Variants in CACNA2D1 observed in about 807,000 individuals in gnomAD.
The protein encoded by CACNA2D1 is voltage-dependent calcium channel subunit alpha-2/delta-1.
CACNA2D1 carries 53 observed loss-of-function variants against 171.5 expected under a neutral mutation model. The ratio of observed to expected loss-of-function variants is 0.31; its 90% CI spans 0.25 to 0.39. The LOEUF (loss-of-function observed/expected upper bound fraction) is 0.39, where lower values mean the gene tolerates loss of function less well. Ranked by LOEUF, CACNA2D1 falls within the 10% of genes least tolerant of loss-of-function variation. CACNA2D1 has a pLI of 1.00. For missense variants in CACNA2D1, 903 were observed against 1,299.8 expected (o/e 0.69, Z 4.69); for synonymous variants, 442 against 443.1 (o/e 1.00, Z 0.03).
At chr7:82,311,753 T>C (rs553070256) in intron 3 of CACNA2D1, among the ~76,000 whole-genome samples, 102 of 152,314 alleles carry the variant, frequency 6.7e-4, no homozygotes, top group African/African-American at 2.3e-3. Context: ...CTGGTTATTT[T>C]ACCCAGGCTT....
At chr7:81,962,075 T>A (rs1169672572) in intron 35 of CACNA2D1, 52 bp from the exon 36 acceptor site, 1 of 1,578,104 alleles carries the variant, frequency 6.3e-7, no homozygotes. Flanking sequence ...AGGAGGGGTC[T>A]CTGTAGTCAC....
At position 81,964,453 on chromosome 7, in the gene CACNA2D1, A is replaced by G. The variant is rs17240359; in HGVS notation, c.2575-94T>C. ...CCACTACAGTGAAAAGAAATAATAC[A>G]AAGAAACTGAACTACAACTGAGGAG... is the stretch of plus-strand genomic sequence containing the variant. On this transcript the variant is annotated intron_variant, in intron 32 of 38. Transcript: ENST00000356860. 0.066 allele frequency: 64,209 copies of G among 965,922 alleles called. 2,493 individuals carry two copies. Among genetic ancestry groups the G allele is most frequent in the Admixed American group, 0.092 (4,213 of 45,790 alleles). The allele number at this position is 965,922 out of a possible 1,614,324, so 59.8% of individuals were successfully genotyped here.
chr7:82,360,379 C>T lies in CACNA2D1; in HGVS notation c.96-10730G>A, dbSNP rs182057311. ...TCCTTAAGACATCTCAGTGGAAATA[C>T]ATGCATATTAATAATTACCTAAATG... is the stretch of plus-strand genomic sequence containing the variant. On this transcript the variant is annotated intron_variant, in intron 1 of 38. Coordinates refer to ENST00000356860, the MANE Select transcript of CACNA2D1 (RefSeq NM_000722.4). Among the ~76,000 whole-genome samples the T allele has an allele frequency of 1.4e-3, 207 of 152,286 alleles. 2 individuals are homozygous for T. The highest frequency in any genetic ancestry group is 3.7e-3 in the East Asian group (19 of 5,172).
Position 81,961,990 on chromosome 7 carries a change from A to G in CACNA2D1, c.2870T>C (p.Leu957Pro), listed in dbSNP as rs1562782689. 1 of 1,612,510 alleles carries G rather than the reference A, an allele frequency of 6.2e-7. No homozygotes were observed. Among genetic ancestry groups the G allele is most frequent in the Non-Finnish European group, 8.5e-7 (1 of 1,179,060 alleles). Residue 957 changes from leucine to proline, a missense_variant, in exon 36 of 39, where the codon CTG becomes CCG. Leu to Pro is a moderately conservative substitution (Grantham distance 98, BLOSUM62 -3). Coordinates refer to ENST00000356860, the MANE Select transcript of CACNA2D1 (RefSeq NM_000722.4). ...EMEDDDFTAS[L>P]SKQSCITEQT... ...TTCAGTAATGCAGCTCTGCTTGGAC[A>G]GGGAGGCCGTGAAGTCATCATCCTC...
At chr7:82,227,894 T>C (rs948481688) in intron 3 of CACNA2D1, among the ~76,000 whole-genome samples, 2 of 152,162 alleles carry the variant, frequency 1.3e-5, no homozygotes, top group Admixed American at 6.5e-5. Context: ...TAGGTCAGAT[T>C]GTTTGCCTCT....
At chr7:82,044,468 TA>T (rs1804315604) in intron 10 of CACNA2D1, among the ~76,000 whole-genome samples, 1 of 152,152 alleles carries the variant, frequency 6.6e-6, no homozygotes, top group Non-Finnish European at 1.5e-5. Flanking sequence ...TCAGCAAAAA[TA>T]ATAATTCAAA....
chr7:82,021,583 A>G (rs1209874620), intron 12 of CACNA2D1, among the ~76,000 whole-genome samples: 1 of 152,084 alleles, frequency 6.6e-6, no homozygotes, highest in Non-Finnish European at 1.5e-5. Flanking sequence ...ATGAGCACCT[A>G]CCATGCATCA....
intron 4 of CACNA2D1, among the ~76,000 whole-genome samples, chr7:82,166,819 G>GTA (rs1419281680): frequency 5.3e-5 from 8 of 152,162 alleles, no homozygotes; most frequent in African/African-American, 1.9e-4. Flanking sequence ...CATTTAGGGT[G>GTA]TACGCCCTTT....
intron 6 of CACNA2D1, among the ~76,000 whole-genome samples, chr7:82,100,432 T>C (rs930865672): frequency 2.0e-5 from 3 of 152,174 alleles, no homozygotes; most frequent in Non-Finnish European, 4.4e-5. Flanking sequence ...TTAGTGTTTT[T>C]AGAGCATAAA....
chr7:82,433,303 C>T (rs1256420954), intron 1 of CACNA2D1, among the ~76,000 whole-genome samples: 1 of 152,066 alleles, frequency 6.6e-6, no homozygotes, highest in East Asian at 1.9e-4. Flanking sequence ...CCAAATGTTG[C>T]TGTGTCCAAA....
At chr7:82,430,514 G>A (rs570835950) in intron 1 of CACNA2D1, among the ~76,000 whole-genome samples, 54 of 151,682 alleles carry the variant, frequency 3.6e-4, no homozygotes, top group African/African-American at 1.3e-3. Context: ...TGGTATTAAT[G>A]TATTGGTTAA....
intron 3 of CACNA2D1, among the ~76,000 whole-genome samples, chr7:82,217,390 CAT>C (rs1199331212): frequency 0.027 from 1,454 of 54,318 alleles, 41 homozygotes; most frequent in Admixed American, 0.035. Context: ...CACACACACA[CAT>C]ACATATATAT....
At chr7:82,090,505 C>G (rs999663849) in intron 6 of CACNA2D1, among the ~76,000 whole-genome samples, 1 of 151,850 alleles carries the variant, frequency 6.6e-6, no homozygotes. Context: ...TACAGCCTTG[C>G]ATTGAGATAA....
intron 4 of CACNA2D1, 64 bp from the exon 5 acceptor site, chr7:82,136,740 A>G: frequency 9.6e-7 from 1 of 1,040,538 alleles, no homozygotes; most frequent in African/African-American, 1.6e-5. Context: ...AATACTGAAT[A>G]CATTTTATGC....
chr7:82,151,734 T>C (rs538436272), intron 4 of CACNA2D1, among the ~76,000 whole-genome samples: 13 of 152,248 alleles, frequency 8.5e-5, no homozygotes, highest in African/African-American at 2.4e-4. Context: ...AGATGTGTTA[T>C]GGAACAAAGG....
intron 3 of CACNA2D1, among the ~76,000 whole-genome samples, chr7:82,207,183 G>A (rs1800087734): frequency 6.6e-6 from 1 of 152,160 alleles, no homozygotes; most frequent in East Asian, 1.9e-4. Context: ...GGGGTGGGGA[G>A]CTGGTAGGTG....
chr7:82,011,736 G>A (rs1799799844), intron 15 of CACNA2D1, among the ~76,000 whole-genome samples: 1 of 152,122 alleles, frequency 6.6e-6, no homozygotes, highest in Non-Finnish European at 1.5e-5. Context: ...TATAGCTGTG[G>A]AGGCTAGACA....
At chr7:82,052,943 C>G (rs922182594) in intron 10 of CACNA2D1, among the ~76,000 whole-genome samples, 4 of 152,058 alleles carry the variant, frequency 2.6e-5, no homozygotes, top group African/African-American at 9.7e-5. Flanking sequence ...ATGAAAAACA[C>G]TTAGAACAGT....
Position 82,111,326 on chromosome 7 carries a change from G to A in CACNA2D1, c.526+5718C>T, listed in dbSNP as rs1389403075. Among the ~76,000 whole-genome samples the A allele has an allele frequency of 2.0e-4, 21 of 104,390 alleles. No homozygotes were observed. In the South Asian group the frequency reaches 2.5e-3, roughly 13 times the overall value. 68.5% of individuals were successfully genotyped at this position (104,390 alleles called of 152,430 possible). A position where few individuals can be genotyped will look rare whatever the true frequency, so the allele number is the denominator to read the frequency against. On this transcript the variant is annotated intron_variant, in intron 6 of 38. Coordinates refer to ENST00000356860, the MANE Select transcript of CACNA2D1 (RefSeq NM_000722.4). ...TATATATATATATACGTGTATATAC[G>A]CATACACGTATATATATTCATATAT...
Sources: allele counts gnomAD v4.1 joint callset (sites outside exome capture counted in the v4.1 genomes callset), GRCh38; gene constraint gnomAD v4.1.1; transcripts MANE v1.5; gene names NCBI Gene and HGNC (gene_info 2026-07-23, HGNC 2026-07-21).